Variants in L3MBTL4 observed in about 807,000 individuals in gnomAD.
L3MBTL4 encodes L3MBTL histone methyl-lysine binding protein 4.
L3MBTL4 carries 70 observed loss-of-function variants against 84.5 expected under a neutral mutation model. That is an observed-to-expected ratio of 0.83 (90% CI 0.68 to 1.01). The LOEUF is 1.01. L3MBTL4 is among the 50% of genes least tolerant of loss of function. L3MBTL4 has a pLI of 0.00. For synonymous variants in L3MBTL4, 274 were observed against 259.8 expected (o/e 1.05, Z -0.52); for missense variants, 715 against 754.8 (o/e 0.95, Z 0.62).
intron 16 of L3MBTL4, among the ~76,000 whole-genome samples, chr18:6,079,073 G>A (rs1368950408): frequency 6.6e-6 from 1 of 152,164 alleles, no homozygotes; most frequent in African/African-American, 2.4e-5. Context: ...TGCAGATAAA[G>A]CTTTGCTCCC....
intron 17 of L3MBTL4, among the ~76,000 whole-genome samples, chr18:5,967,643 T>G (rs905498616): frequency 2.0e-5 from 3 of 152,162 alleles, no homozygotes; most frequent in Admixed American, 1.3e-4. Context: ...TCATGCCAAG[T>G]GAGTGCGAGG....
At chr18:6,221,995 A>G (rs1424718319) in intron 10 of L3MBTL4, among the ~76,000 whole-genome samples, 1 of 152,240 alleles carries the variant, frequency 6.6e-6, no homozygotes, top group Non-Finnish European at 1.5e-5. Context: ...CATGCTGTTC[A>G]GTACATGACT....
Position 5,956,128 on chromosome 18 carries a change from G to T in L3MBTL4, c.*92C>A, listed in dbSNP as rs1403202579. ...AAAGTCCAGATTCAGTGTGGATACGGCCATGGGGACATTCACATCAAATTA... is the reference window on the plus strand; with the variant it reads ...AAAGTCCAGATTCAGTGTGGATACGTCCATGGGGACATTCACATCAAATTA... On this transcript the variant is annotated 3_prime_UTR_variant, in exon 19 of 19. Transcript: ENST00000317931. The T allele has an allele frequency of 3.8e-6, 4 of 1,050,824 alleles. No homozygotes were observed. In the Admixed American group the frequency reaches 6.1e-5, roughly 16 times the overall value. 65.1% of individuals were successfully genotyped at this position (1,050,824 alleles called of 1,614,324 possible). A position where few individuals can be genotyped will look rare whatever the true frequency, so the allele number is the denominator to read the frequency against.
At chr18:6,138,446 A>C in intron 13 of L3MBTL4, 150 bp from the exon 14 acceptor site, 1 of 560,238 alleles carries the variant, frequency 1.8e-6, no homozygotes, top group Non-Finnish European at 3.2e-6. Flanking sequence ...ATGTATTATT[A>C]ATATTAAATT....
Position 6,328,354 on chromosome 18 carries a change from C to T in L3MBTL4, c.-90-16298G>A, listed in dbSNP as rs146973856. On this transcript the variant is annotated intron_variant, in intron 1 of 18. Transcript: ENST00000317931. ...CTAGAACTGGAATCTAAATTTTAAA[C>T]AATAGACCACTTCATAGCTTATTGA... Among the ~76,000 whole-genome samples the T allele has an allele frequency of 2.8e-3, 425 of 152,300 alleles. 2 individuals are homozygous for T. The highest frequency in any genetic ancestry group is 9.7e-3 in the African/African-American group (405 of 41,568).
At chr18:5,984,031 C>T (rs183291269) in intron 16 of L3MBTL4, among the ~76,000 whole-genome samples, 27 of 152,296 alleles carry the variant, frequency 1.8e-4, no homozygotes, top group African/African-American at 6.5e-4. Context: ...CCTGCCTCAG[C>T]CTCCCAAGTA....
At chr18:6,033,183 T>A (rs2145627952) in intron 16 of L3MBTL4, among the ~76,000 whole-genome samples, 1 of 152,370 alleles carries the variant, frequency 6.6e-6, no homozygotes, top group South Asian at 2.1e-4. Context: ...CAAATGTTTA[T>A]AATTGTTATA....
chr18:6,232,829 T>C (rs1195396914), intron 10 of L3MBTL4, among the ~76,000 whole-genome samples: 1 of 152,154 alleles, frequency 6.6e-6, no homozygotes, highest in African/African-American at 2.4e-5. Flanking sequence ...CTCAGTAATC[T>C]AGTAATTCTA....
chr18:6,305,190 A>G (rs2050527282), intron 3 of L3MBTL4, among the ~76,000 whole-genome samples: 1 of 152,198 alleles, frequency 6.6e-6, no homozygotes, highest in African/African-American at 2.4e-5. Flanking sequence ...AATTTTGCAA[A>G]TGGAAAAGTA....
chr18:6,142,894 A>T (rs1817413121), intron 13 of L3MBTL4, among the ~76,000 whole-genome samples: 1 of 152,230 alleles, frequency 6.6e-6, no homozygotes, highest in Non-Finnish European at 1.5e-5. Context: ...CTCAAAAAAA[A>T]AATTGTAAAC....
At chr18:6,335,655 G>A (rs950550113) in intron 1 of L3MBTL4, among the ~76,000 whole-genome samples, 3 of 152,282 alleles carry the variant, frequency 2.0e-5, no homozygotes, top group Non-Finnish European at 4.4e-5. Flanking sequence ...GGAGGGACCT[G>A]GTGGGAGGTG....
chr18:6,058,614 T>C (rs1455697460), intron 16 of L3MBTL4, among the ~76,000 whole-genome samples: 3 of 152,148 alleles, frequency 2.0e-5, no homozygotes, highest in Non-Finnish European at 4.4e-5. Context: ...GGTTCTTTGC[T>C]CTGGCCTGGG....
At chr18:6,038,957 G>A (rs1313633002) in intron 16 of L3MBTL4, among the ~76,000 whole-genome samples, 1 of 151,922 alleles carries the variant, frequency 6.6e-6, no homozygotes, top group Non-Finnish European at 1.5e-5. Flanking sequence ...TGGGATTAGT[G>A]CCCTATAAGA....
chr18:6,338,158 G>T (rs1023611459), intron 1 of L3MBTL4, among the ~76,000 whole-genome samples: 2 of 151,756 alleles, frequency 1.3e-5, no homozygotes, highest in African/African-American at 4.8e-5. Context: ...ACTAAAAGAA[G>T]AAGAAAATGG....
intron 3 of L3MBTL4, among the ~76,000 whole-genome samples, chr18:6,306,281 A>C (rs1053427835): frequency 6.6e-6 from 1 of 152,186 alleles, no homozygotes; most frequent in Non-Finnish European, 1.5e-5. Flanking sequence ...CCATCACTCT[A>C]CTGGAATTCA....
intron 1 of L3MBTL4, among the ~76,000 whole-genome samples, chr18:6,350,046 A>G (rs2053106478): frequency 1.3e-5 from 2 of 152,246 alleles, no homozygotes; most frequent in Non-Finnish European, 1.5e-5. Flanking sequence ...AGAAAACTGG[A>G]TATTCACATG....
At chr18:6,258,367 G>C (rs1295027434) in intron 5 of L3MBTL4, among the ~76,000 whole-genome samples, 1 of 152,190 alleles carries the variant, frequency 6.6e-6, no homozygotes, top group South Asian at 2.1e-4. Flanking sequence ...TGGCACCTGG[G>C]GTAGAGAAGG....
At chr18:6,030,066 G>T in intron 16 of L3MBTL4, 1 of 985,342 alleles carries the variant, frequency 1.0e-6, no homozygotes, top group Non-Finnish European at 1.2e-6. Context: ...CTGCTCGTCA[G>T]ATTTTATTGC....
chr18:5,980,128 C>T (rs1210057548), intron 16 of L3MBTL4, among the ~76,000 whole-genome samples: 5 of 121,148 alleles, frequency 4.1e-5, no homozygotes, highest in Admixed American at 8.8e-5. Flanking sequence ...GAGTGGCTGA[C>T]GTGCTGACAG....
Sources: allele counts gnomAD v4.1 joint callset (sites outside exome capture counted in the v4.1 genomes callset), GRCh38; gene constraint gnomAD v4.1.1; transcripts MANE v1.5; gene names NCBI Gene and HGNC (gene_info 2026-07-23, HGNC 2026-07-21).